The following POM121 variants were observed in gnomAD, a reference collection of about 807,000 sequenced individuals.
POM121 encodes the protein nuclear envelope pore membrane protein POM 121.
In POM121, 32 loss-of-function variants were observed where a neutral mutation model predicts 81.3. That is an observed-to-expected ratio of 0.39 (90% CI 0.30 to 0.53). POM121 has a LOEUF of 0.53. POM121 is among the 20% of genes least tolerant of loss of function. The pLI is 0.66. For synonymous variants in POM121, 514 were observed against 694.2 expected, an observed-to-expected ratio of 0.74 and a Z score of 4.08; for missense variants, 1,138 against 1,614.6, an observed-to-expected ratio of 0.70 and a Z score of 5.06.
chr7:72,943,578 C>G (rs1381698685), intron 11 of POM121, 56 bp downstream of exon 11: 2 of 1,565,676 alleles, frequency 1.3e-6, no homozygotes, highest in Admixed American at 3.7e-5. Flanking sequence ...GCTGTGCCTG[C>G]GAAGCCTGTG....
chr7:72,920,354 T>TC (rs1227575425), upstream of POM121, among the ~76,000 whole-genome samples: 2 of 148,698 alleles, frequency 1.3e-5, no homozygotes, highest in African/African-American at 5.0e-5. Context: ...TCTTTTTTTT[T>TC]TTTTTTTTTT....
In POM121 at chr7:72,925,429, G is replaced by C; in HGVS notation, c.308G>C (p.Arg103Pro). ...TTCGTTCGGAAGGCGCGTCATCGGC[G>C]AACACTGTTCGCTTCGCCTCTGGCC... is the stretch of plus-strand genomic sequence containing the variant. ...SSFVRKARHRRTLFASPLAKS... is the reference protein window; with the variant it reads ...SSFVRKARHRPTLFASPLAKS... Residue 103 changes from arginine (R) to proline (P), a missense_variant, in exon 1 of 13, where the codon CGA (arginine) becomes CCA (proline). This residue lies in a region of POM121 where 646 missense variants were observed against 633.5 expected (regional missense o/e 1.02). Transcript: ENST00000434423. The C allele has an allele frequency of 1.3e-6, 2 of 1,533,884 alleles. No homozygotes were observed. Among genetic ancestry groups the C allele is most frequent in the Non-Finnish European group, 1.7e-6 (2 of 1,146,642 alleles).
chr7:72,894,626 G>GGAGAGA (rs71071923), intron 3 of POM121, among the ~76,000 whole-genome samples: 8 of 23,322 alleles, frequency 3.4e-4, no homozygotes, highest in African/African-American at 4.3e-4. Flanking sequence ...GAGAGAGAGA[G>GGAGAGA]GAGAGAGAGA....
chr7:72,909,949 G>A (rs1235370360), intron 3 of POM121, among the ~76,000 whole-genome samples: 1 of 152,208 alleles, frequency 6.6e-6, no homozygotes, highest in African/African-American at 2.4e-5. Context: ...ACCCAGCCCT[G>A]GAGGCCAGTT....
chr7:72,919,980 A>G (rs1218801469), intron 4 of POM121, among the ~76,000 whole-genome samples: 6 of 152,082 alleles, frequency 3.9e-5, no homozygotes, highest in African/African-American at 1.4e-4. Context: ...TTTGATCTAT[A>G]TCATTGGTTT....
chr7:72,949,352 C>T (rs1554504274), downstream of POM121: 1 of 807,606 alleles, frequency 1.2e-6, no homozygotes, highest in Non-Finnish European at 2.3e-6. Flanking sequence ...ACATAGTGGA[C>T]CTCACGATAG....
rs560579953 is a variant in POM121, at chr7:72,899,643, C to T, written c.-216+8533C>T. The stretch of plus-strand genomic sequence containing the variant: ...GCCCAGGCTGGAGTGCAGTGGCGCA[C>T]TCTCGGCTCACTGCAAGCTCCGCCT... On this transcript the variant is annotated intron_variant, in intron 3 of 15. Transcript: ENST00000395270. 3.3e-4 allele frequency among the ~76,000 whole-genome samples: 49 copies of T among 149,622 alleles called. 1 individual carries two copies. The highest frequency in any genetic ancestry group is 3.4e-3 in the Middle Eastern group (1 of 292).
At chr7:72,905,343 G>T (rs553650328) in intron 3 of POM121, among the ~76,000 whole-genome samples, 1 of 152,220 alleles carries the variant, frequency 6.6e-6, no homozygotes, top group East Asian at 1.9e-4. Flanking sequence ...TTTTTAAATT[G>T]ATTTAGTTTA....
At chr7:72,927,019 A>G in intron 3 of POM121, 56 bp downstream of exon 3, 1 of 1,611,894 alleles carries the variant, frequency 6.2e-7, no homozygotes, top group Middle Eastern at 1.7e-4. Context: ...CTATGGGATG[A>G]GATGTAGACA....
intron 3 of POM121, among the ~76,000 whole-genome samples, chr7:72,913,310 G>A (rs782796487): frequency 4.6e-5 from 7 of 152,204 alleles, no homozygotes; most frequent in South Asian, 2.1e-4. Context: ...GCCGTGTGCC[G>A]TCTCTTTATC....
chr7:72,900,989 C>CA (rs1792571442), intron 3 of POM121, among the ~76,000 whole-genome samples: 1 of 148,988 alleles, frequency 6.7e-6, no homozygotes, highest in African/African-American at 2.5e-5. Flanking sequence ...CAGAATTTGG[C>CA]GTTTTTTTTT....
chr7:72,884,199 T>C (rs1790446542), intron 1 of POM121, among the ~76,000 whole-genome samples: 1 of 152,216 alleles, frequency 6.6e-6, no homozygotes, highest in African/African-American at 2.4e-5. Context: ...ACGGCTGGCC[T>C]AGAATACTTT....
chr7:72,948,124 G>C lies in POM121; in HGVS notation c.*1890G>C. On this transcript the variant is annotated 3_prime_UTR_variant, in exon 13 of 13. Coordinates refer to ENST00000434423, the MANE Select transcript of POM121 (RefSeq NM_001387691.1). Reference sequence around the variant, plus strand: ...GCAGGACAGCCGGTCCGGGAACCCTGAGTGAGAATGAGTGTGGATGTGTAC... The same window carrying C: ...GCAGGACAGCCGGTCCGGGAACCCTCAGTGAGAATGAGTGTGGATGTGTAC... The C allele has an allele frequency of 7.1e-7, 1 of 1,400,656 alleles. No individual in the cohort carries two copies. The highest frequency in any genetic ancestry group is 9.3e-7 in the Non-Finnish European group (1 of 1,080,230). 86.8% of individuals were successfully genotyped at this position (1,400,656 alleles called of 1,614,324 possible).
At chr7:72,917,974 A>G (rs1554495367) in intron 4 of POM121, among the ~76,000 whole-genome samples, 3 of 149,392 alleles carry the variant, frequency 2.0e-5, no homozygotes, top group African/African-American at 7.3e-5. Flanking sequence ...GCCGAGTCAG[A>G]GAGAGAGAGA....
chr7:72,949,930 G>A, downstream of POM121: 1 of 1,612,618 alleles, frequency 6.2e-7, no homozygotes, highest in Non-Finnish European at 8.5e-7. Flanking sequence ...AGCCTGGCGG[G>A]GGTCCAGCAG....
chr7:72,925,963 A>G (rs1795401718), intron 1 of POM121, among the ~76,000 whole-genome samples, 198 bp downstream of exon 1: 1 of 152,032 alleles, frequency 6.6e-6, no homozygotes, highest in Admixed American at 6.5e-5. Context: ...TGCCAAAACG[A>G]TTCTCTTCTT....
At chr7:72,894,619 AGAGAGAG>A (rs1791679191) in intron 3 of POM121, among the ~76,000 whole-genome samples, 1 of 114,640 alleles carries the variant, frequency 8.7e-6, no homozygotes. Flanking sequence ...GAGAGATGAG[AGAGAGAG>A]GAGAGAGAGA....
In POM121 at chr7:72,925,210, G is replaced by T. The variant is rs1476010141; in HGVS notation, c.89G>T (p.Gly30Val). The stretch of plus-strand genomic sequence containing the variant: ...GACGGCCGGGGCCGGGGCTGCGGCG[G>T]GCCGGCCAGGGCGGTGCTCCTGGGC... ...VRDGRGRGCG[G>V]PARAVLLGLS... Residue 30 changes from glycine (G) to valine (V), a missense_variant, in exon 1 of 13, where the codon GGG becomes GTG. By Grantham distance (109) the Gly-to-Val change is moderately radical. Around this residue, in one of 7 missense-constraint regions of POM121, gnomAD observed 646 missense variants for 633.5 expected, o/e 1.02. Transcript: ENST00000434423. 6.6e-7 allele frequency: 1 copy of T among 1,525,014 alleles called. No homozygotes were observed. The highest frequency in any genetic ancestry group is 8.8e-7 in the Non-Finnish European group (1 of 1,142,754). The allele number at this position is 1,525,014 out of a possible 1,614,324, so 94.5% of individuals were successfully genotyped here.
chr7:72,891,260 T>C (rs1277731020), intron 3 of POM121: 4 of 462,144 alleles, frequency 8.7e-6, no homozygotes, highest in Non-Finnish European at 1.6e-5. Flanking sequence ...ATGAACTCTT[T>C]TGTTTATTTT....
Sources: allele counts gnomAD v4.1 joint callset (sites outside exome capture counted in the v4.1 genomes callset), GRCh38; gene constraint gnomAD v4.1.1; regional missense constraint gnomAD v4.1.1; transcripts MANE v1.5; gene names NCBI Gene and HGNC (gene_info 2026-07-23, HGNC 2026-07-21).